The following SGCZ variants were observed in gnomAD, a reference collection of about 807,000 sequenced individuals.
SGCZ encodes sarcoglycan zeta.
SGCZ carries 40 observed loss-of-function variants against 41.3 expected under a neutral mutation model. The ratio of observed to expected loss-of-function variants is 0.97; its 90% CI spans 0.75 to 1.26. The LOEUF (loss-of-function observed/expected upper bound fraction) is 1.26. Among genes scored for constraint, SGCZ ranks in the 50% most tolerant of loss-of-function variants. The pLI is 0.00. For missense variants in SGCZ, 552 were observed against 369.8 expected, an observed-to-expected ratio of 1.49 and a Z score of -4.04; for synonymous variants, 206 against 137.5, an observed-to-expected ratio of 1.50 and a Z score of -3.49.
intron 2 of SGCZ, among the ~76,000 whole-genome samples, chr8:14,499,822 A>G (rs1802098062): frequency 6.6e-6 from 1 of 152,030 alleles, no homozygotes; most frequent in African/African-American, 2.4e-5. Context: ...ATTACTATAC[A>G]TCACTAAAAT....
rs17120940 is a variant in SGCZ at position 15,119,601 on chromosome 8, C to G, written c.39+117984G>C. Among the ~76,000 whole-genome samples, 917 of 149,744 alleles carry G rather than the reference C, an allele frequency of 6.1e-3. 11 individuals are homozygous for G. The highest frequency in any genetic ancestry group is 0.022 in the African/African-American group (860 of 39,408). Reference sequence around the variant, plus strand: ...ATGTCTATGAATCATAAAATCGGGTCAGAGTGTTTTAAAGTTAGAGGACAG... The same window carrying G: ...ATGTCTATGAATCATAAAATCGGGTGAGAGTGTTTTAAAGTTAGAGGACAG... On this transcript the variant is annotated intron_variant, in intron 1 of 7. Coordinates refer to ENST00000382080, the MANE Select transcript of SGCZ (RefSeq NM_139167.4).
At chr8:14,313,141 T>C (rs1801602590) in intron 3 of SGCZ, among the ~76,000 whole-genome samples, 1 of 152,182 alleles carries the variant, frequency 6.6e-6, no homozygotes, top group South Asian at 2.1e-4. Flanking sequence ...CTAATGAGTA[T>C]GCTAATGTCT....
At chr8:14,477,848 A>C (rs1485990357) in intron 2 of SGCZ, among the ~76,000 whole-genome samples, 1 of 152,300 alleles carries the variant, frequency 6.6e-6, no homozygotes, top group Admixed American at 6.5e-5. Flanking sequence ...TCACCAACTT[A>C]ATATCACTCC....
chr8:14,824,794 G>A (rs574896509), intron 1 of SGCZ, among the ~76,000 whole-genome samples: 1 of 152,102 alleles, frequency 6.6e-6, no homozygotes, highest in East Asian at 1.9e-4. Context: ...TAAATTTTCA[G>A]CGATGTAGTA....
intron 1 of SGCZ, among the ~76,000 whole-genome samples, chr8:14,927,326 G>C (rs969036045): frequency 6.6e-5 from 10 of 151,638 alleles, no homozygotes; most frequent in Admixed American, 2.0e-4. Context: ...AGCCAGGATG[G>C]TGTCGATTTC....
chr8:15,078,746 C>G (rs1430993022), intron 1 of SGCZ, among the ~76,000 whole-genome samples: 1 of 151,820 alleles, frequency 6.6e-6, no homozygotes. Context: ...TACACACATA[C>G]ATATATATAC....
intron 1 of SGCZ, among the ~76,000 whole-genome samples, chr8:15,108,220 T>C (rs1331933990): frequency 6.6e-6 from 1 of 152,256 alleles, no homozygotes; most frequent in Non-Finnish European, 1.5e-5. Flanking sequence ...TCAATTTCAT[T>C]AAATTCTCTT....
intron 1 of SGCZ, among the ~76,000 whole-genome samples, chr8:14,863,988 T>C (rs1450526082): frequency 1.3e-5 from 2 of 152,180 alleles, no homozygotes; most frequent in Admixed American, 6.5e-5. Flanking sequence ...TAACTATTCA[T>C]AGAGAGCCTC....
intron 1 of SGCZ, among the ~76,000 whole-genome samples, chr8:14,808,981 C>G (rs1392394201): frequency 4.7e-5 from 7 of 149,236 alleles, no homozygotes; most frequent in Non-Finnish European, 1.0e-4. Flanking sequence ...ATCGCAAGAA[C>G]AAAAAACCAA....
intron 1 of SGCZ, among the ~76,000 whole-genome samples, chr8:15,113,007 G>A (rs1334394960): frequency 2.0e-5 from 3 of 152,096 alleles, no homozygotes; most frequent in Non-Finnish European, 2.9e-5. Flanking sequence ...CCAGGAGTTT[G>A]AGACCAGCCT....
At chr8:14,686,898 A>G (rs1342200060) in intron 1 of SGCZ, among the ~76,000 whole-genome samples, 1 of 152,036 alleles carries the variant, frequency 6.6e-6, no homozygotes, top group Middle Eastern at 3.2e-3. Context: ...ACAAACCATC[A>G]TTAACATTTT....
At chr8:15,147,168 C>A (rs1799056782) in intron 1 of SGCZ, among the ~76,000 whole-genome samples, 1 of 152,100 alleles carries the variant, frequency 6.6e-6, no homozygotes, top group Non-Finnish European at 1.5e-5. Flanking sequence ...ACTGGAAAAC[C>A]TGCATCATCT....
At chr8:14,463,475 T>G (rs1450913476) in intron 2 of SGCZ, among the ~76,000 whole-genome samples, 1 of 148,890 alleles carries the variant, frequency 6.7e-6, no homozygotes, top group African/African-American at 2.5e-5. Flanking sequence ...TAATACCATA[T>G]ATAACAAAAT....
chr8:14,577,633 C>T (rs973243710), intron 1 of SGCZ, among the ~76,000 whole-genome samples: 15 of 152,070 alleles, frequency 9.9e-5, no homozygotes, highest in African/African-American at 3.6e-4. Context: ...GGTGATCTGC[C>T]CGCCTCAGCC....
intron 2 of SGCZ, among the ~76,000 whole-genome samples, chr8:14,367,617 C>T (rs1803760412): frequency 6.6e-6 from 1 of 152,184 alleles, no homozygotes; most frequent in East Asian, 1.9e-4. Context: ...AAAGGTACAT[C>T]TTCCATGATG....
rs117359819 is a variant in SGCZ at position 14,343,097 on chromosome 8, C to T, written c.235-18893G>A. Among the ~76,000 whole-genome samples, 185 of 152,318 alleles carry T rather than the reference C, an allele frequency of 1.2e-3. 4 individuals carry two copies. In the East Asian group the frequency reaches 0.029, roughly 24 times the overall value. On this transcript the variant is annotated intron_variant, in intron 2 of 7. Coordinates refer to ENST00000382080, the MANE Select transcript of SGCZ (RefSeq NM_139167.4). ...ACATGGTGTTGAGCCTACAGGTGCACAGAAGTCAAGAAATGAGGTTTGGAC... is the reference window on the plus strand; with the variant it reads ...ACATGGTGTTGAGCCTACAGGTGCATAGAAGTCAAGAAATGAGGTTTGGAC...
intron 1 of SGCZ, among the ~76,000 whole-genome samples, chr8:14,839,413 T>A (rs1261984007): frequency 6.6e-6 from 1 of 152,162 alleles, no homozygotes; most frequent in Non-Finnish European, 1.5e-5. Context: ...TATTAGACTC[T>A]GTAGTATAGA....
intron 3 of SGCZ, among the ~76,000 whole-genome samples, chr8:14,270,542 C>T (rs1019170351): frequency 5.9e-5 from 9 of 151,960 alleles, no homozygotes; most frequent in Admixed American, 2.6e-4. Context: ...ACAATATTTC[C>T]AATTATCCCT....
At chr8:14,225,488 A>G (rs1806340503) in intron 4 of SGCZ, among the ~76,000 whole-genome samples, 1 of 152,120 alleles carries the variant, frequency 6.6e-6, no homozygotes, top group Non-Finnish European at 1.5e-5. Flanking sequence ...CCAGTAAAAG[A>G]TTAATGTTGA....
Sources: allele counts gnomAD v4.1 joint callset (sites outside exome capture counted in the v4.1 genomes callset), GRCh38; gene constraint gnomAD v4.1.1; transcripts MANE v1.5; gene names NCBI Gene and HGNC (gene_info 2026-07-23, HGNC 2026-07-21).